Variants in IRAK1BP1 observed in about 807,000 individuals in gnomAD.
The protein encoded by IRAK1BP1 is interleukin-1 receptor-associated kinase 1-binding protein 1.
In IRAK1BP1, 24 loss-of-function variants were observed where a neutral mutation model predicts 28.0. That is an observed-to-expected ratio of 0.86 (90% CI 0.62 to 1.20). The LOEUF is 1.20. Among genes scored for constraint, IRAK1BP1 ranks in the 50% most tolerant of loss-of-function variants. IRAK1BP1 has a pLI of 0.00. For synonymous variants in IRAK1BP1, 131 were observed against 116.3 expected, an observed-to-expected ratio of 1.13 and a Z score of -0.81; for missense variants, 336 against 316.7, an observed-to-expected ratio of 1.06 and a Z score of -0.46.
At chr6:78,968,601 C>T in the IRAK1BP1 span, among the ~76,000 whole-genome samples, 1 of 152,202 alleles carries the variant, frequency 6.6e-6, no homozygotes, top group Non-Finnish European at 1.5e-5. Context: ...AACTTCAATA[C>T]AACTGTGCAT....
chr6:78,971,675 C>A, the IRAK1BP1 span, among the ~76,000 whole-genome samples: 1 of 152,042 alleles, frequency 6.6e-6, no homozygotes, highest in African/African-American at 2.4e-5. Flanking sequence ...GTGCGCGCAC[C>A]GTGTGCGAGC....
intron 2 of IRAK1BP1, among the ~76,000 whole-genome samples, chr6:78,888,156 A>G (rs934785567): frequency 2.0e-5 from 3 of 152,202 alleles, no homozygotes; most frequent in Non-Finnish European, 4.4e-5. Context: ...TAATCATATC[A>G]TAGAAGCAAA....
chr6:78,944,012 AAG>A (rs1491020885), intron 4 of IRAK1BP1, among the ~76,000 whole-genome samples: 2 of 150,818 alleles, frequency 1.3e-5, no homozygotes, highest in African/African-American at 4.9e-5. Context: ...AAAAAAAAAA[AAG>A]GAAGTGCTTG....
intron 4 of IRAK1BP1, among the ~76,000 whole-genome samples, chr6:78,924,777 C>A (rs1772841170): frequency 2.0e-5 from 3 of 152,222 alleles, no homozygotes; most frequent in South Asian, 2.1e-4. Context: ...TGCAAATCAA[C>A]AAATGTAATC....
At chr6:78,908,466 A>G (rs1364527132) in intron 4 of IRAK1BP1, among the ~76,000 whole-genome samples, 1 of 152,278 alleles carries the variant, frequency 6.6e-6, no homozygotes, top group South Asian at 2.1e-4. Flanking sequence ...TTCCTGTCTC[A>G]GCCTCTTGAG....
At chr6:78,890,340 A>G (rs1331992982) in intron 2 of IRAK1BP1, among the ~76,000 whole-genome samples, 1 of 151,984 alleles carries the variant, frequency 6.6e-6, no homozygotes, top group African/African-American at 2.4e-5. Flanking sequence ...TGATGGATGC[A>G]GCAAACCACC....
intron 4 of IRAK1BP1, among the ~76,000 whole-genome samples, chr6:78,917,069 C>G (rs1210627027): frequency 6.6e-6 from 1 of 151,904 alleles, no homozygotes; most frequent in African/African-American, 2.4e-5. Flanking sequence ...GCAATGGTTC[C>G]TAAACAAAAT....
At chr6:78,923,447 T>A (rs1457599970) in intron 4 of IRAK1BP1, among the ~76,000 whole-genome samples, 4 of 152,140 alleles carry the variant, frequency 2.6e-5, no homozygotes, top group African/African-American at 9.7e-5. Flanking sequence ...CAAAGAGACT[T>A]TGACTCCCAC....
chr6:78,920,399 C>T (rs1398022913), intron 4 of IRAK1BP1, among the ~76,000 whole-genome samples: 2 of 152,078 alleles, frequency 1.3e-5, no homozygotes, highest in East Asian at 1.9e-4. Context: ...CTACAGTAAC[C>T]AAAATAGGAT....
intron 2 of IRAK1BP1, among the ~76,000 whole-genome samples, chr6:78,885,954 T>A (rs1482553665): frequency 3.3e-5 from 5 of 152,224 alleles, no homozygotes; most frequent in Admixed American, 3.3e-4. Context: ...TGCTTTTTAC[T>A]TATATTTAAA....
the IRAK1BP1 span, among the ~76,000 whole-genome samples, chr6:78,974,109 T>A: frequency 6.6e-6 from 1 of 151,932 alleles, no homozygotes; most frequent in Non-Finnish European, 1.5e-5. Context: ...ATTCCAAAAT[T>A]GACCACATAC....
the IRAK1BP1 span, among the ~76,000 whole-genome samples, chr6:78,969,557 T>C: frequency 1.3e-5 from 2 of 152,192 alleles, no homozygotes; most frequent in African/African-American, 4.8e-5. Flanking sequence ...AAATTGTTAT[T>C]AATATTTTTA....
chr6:78,958,477 T>C, the IRAK1BP1 span: 1 of 1,499,410 alleles, frequency 6.7e-7, no homozygotes. Flanking sequence ...TAACTTACTT[T>C]ATAAAATGTA....
chr6:78,914,911 T>C lies in IRAK1BP1; in HGVS notation c.*67+11801T>C, dbSNP rs567412147. Among the ~76,000 whole-genome samples, 98 of 152,238 alleles carry C rather than the reference T, an allele frequency of 6.4e-4. 1 individual carries two copies. In the South Asian group the frequency reaches 8.1e-3, roughly 13 times the overall value. On this transcript the variant is annotated intron_variant and NMD_transcript_variant, in intron 4 of 4. Transcript: ENST00000606868. The stretch of plus-strand genomic sequence containing the variant: ...TCTCAGCTCACTGCAACCTCCACCT[T>C]CCAGGTTCAAGTGATTCTTCTGCCT...
rs1046669065 is a variant in IRAK1BP1, at chr6:78,885,420, A to G, written c.358A>G (p.Asn120Asp). 23 of 1,573,702 alleles carry G rather than the reference A, an allele frequency of 1.5e-5. No homozygotes were observed. The highest frequency in any genetic ancestry group is 1.9e-5 in the Non-Finnish European group (22 of 1,155,038). Reference sequence around the variant, plus strand: ...GACAAAGGATTTTAGGAGAGTGGAAAATGCTTATCACATGGAAGCAGAGGT... The same window carrying G: ...GACAAAGGATTTTAGGAGAGTGGAAGATGCTTATCACATGGAAGCAGAGGT... ...TVTKDFRRVE[N>D]AYHMEAEVCI... Residue 120 changes from asparagine (N) to aspartate (D), a missense_variant, in exon 2 of 4, where the codon AAT becomes GAT. Asn to Asp is a conservative substitution (Grantham distance 23, BLOSUM62 1). Coordinates refer to ENST00000369940, the MANE Select transcript of IRAK1BP1 (RefSeq NM_001010844.4).
At chr6:78,885,703 C>G (rs1771405974) in intron 2 of IRAK1BP1, among the ~76,000 whole-genome samples, 1 of 152,036 alleles carries the variant, frequency 6.6e-6, no homozygotes, top group South Asian at 2.1e-4. Context: ...ACTGTCATCA[C>G]CTAATGTGCG....
chr6:78,952,830 A>G, the IRAK1BP1 span, among the ~76,000 whole-genome samples: 2 of 145,976 alleles, frequency 1.4e-5, no homozygotes, highest in Non-Finnish European at 3.0e-5. Flanking sequence ...AACCAAAACT[A>G]TCTATCAAAG....
intron 3 of IRAK1BP1, 26 bp downstream of exon 3, chr6:78,897,985 A>C (rs371994801): frequency 1.7e-5 from 27 of 1,611,302 alleles, no homozygotes; most frequent in Non-Finnish European, 2.2e-5. Context: ...TCTTTAACTA[A>C]GATATTCTTT....
intron 1 of IRAK1BP1, among the ~76,000 whole-genome samples, chr6:78,883,176 G>A (rs1771292654): frequency 6.6e-6 from 1 of 152,120 alleles, no homozygotes; most frequent in Non-Finnish European, 1.5e-5. Flanking sequence ...CAGAAAGATT[G>A]CTTGAGCTCA....
Sources: allele counts gnomAD v4.1 joint callset (sites outside exome capture counted in the v4.1 genomes callset), GRCh38; gene constraint gnomAD v4.1.1; transcripts MANE v1.5; gene names NCBI Gene and HGNC (gene_info 2026-07-23, HGNC 2026-07-21).